ABCB4: variants seen among roughly 807,000 people sequenced by gnomAD.
ABCB4 encodes ATP binding cassette subfamily B member 4, also known as phosphatidylcholine translocator ABCB4.
In ABCB4, 76 loss-of-function variants were observed where a neutral mutation model predicts 145.7. The observed-to-expected ratio is 0.52, with a 90% confidence interval of 0.43 to 0.63. The LOEUF (loss-of-function observed/expected upper bound fraction) is 0.63. Ranked by LOEUF, ABCB4 falls within the 30% of genes least tolerant of loss-of-function variation. The pLI is 0.00. For missense variants in ABCB4, 1,234 were observed against 1,553.1 expected (o/e 0.79, Z 3.45); for synonymous variants, 517 against 566.8 (o/e 0.91, Z 1.25).
Position 87,475,412 on chromosome 7 carries a change from C to G in ABCB4, c.54G>C (p.Glu18Asp), listed in dbSNP as rs141141860. 2.5e-6 allele frequency: 4 copies of G among 1,614,256 alleles called. 1 individual carries two copies. The highest frequency in any genetic ancestry group is 3.3e-4 in the Middle Eastern group (2 of 6,062). ...TGCTGATGCCCAGTTCAAAGTCGCCCTCCGCGCTCGTGGGGCGCCAGGCTG... is the reference window on the plus strand; with the variant it reads ...TGCTGATGCCCAGTTCAAAGTCGCCGTCCGCGCTCGTGGGGCGCCAGGCTG... ...NGTAWRPTSA[E>D]GDFELGISSK... Residue 18 changes from glutamate (E) to aspartate (D), a missense_variant, in exon 2 of 28, where the codon GAG (glutamate) becomes GAC (aspartate). Coordinates refer to ENST00000649586, the MANE Select transcript of ABCB4 (RefSeq NM_000443.4).
intron 7 of ABCB4, among the ~76,000 whole-genome samples, chr7:87,450,350 T>C (rs1284959724): frequency 6.6e-6 from 1 of 152,210 alleles, no homozygotes; most frequent in Non-Finnish European, 1.5e-5. Context: ...TAAATAGCAC[T>C]CTTGGGAACA....
the ABCB4 span, among the ~76,000 whole-genome samples, chr7:87,372,063 T>C: frequency 6.7e-6 from 1 of 149,728 alleles, no homozygotes; most frequent in Non-Finnish European, 1.5e-5. Context: ...TGAAAAATGG[T>C]TTTCATTGTT....
At chr7:87,433,701 T>C (rs1202366164) in intron 14 of ABCB4, among the ~76,000 whole-genome samples, 28 of 133,654 alleles carry the variant, frequency 2.1e-4, no homozygotes, top group Admixed American at 8.6e-4. Context: ...TTTTCAGAGC[T>C]CCCAGACACC....
intron 26 of ABCB4, chr7:87,405,868 A>G (rs1808149860): frequency 3.7e-6 from 1 of 267,378 alleles, no homozygotes; most frequent in Non-Finnish European, 7.2e-6. Flanking sequence ...CCTGCTTGTG[A>G]TACTGTATAC....
chr7:87,401,961 T>C lies in ABCB4; in HGVS notation c.*135A>G. ...TCAAATGCCGTAATAAACCCCAAAT[T>C]GGGTCTTCTAAATTGATCTAGAATG... On this transcript the variant is annotated 3_prime_UTR_variant, in exon 28 of 28. Transcript: ENST00000649586. 1 of 1,222,240 alleles carries C rather than the reference T, an allele frequency of 8.2e-7. No individual in the cohort carries two copies. Among genetic ancestry groups the C allele is most frequent in the Non-Finnish European group, 1.2e-6 (1 of 854,112 alleles). The allele number at this position is 1,222,240 out of a possible 1,614,324, so 75.7% of individuals were successfully genotyped here.
intron 9 of ABCB4, among the ~76,000 whole-genome samples, chr7:87,446,127 G>C (rs1009590007): frequency 6.6e-6 from 1 of 152,136 alleles, no homozygotes; most frequent in Non-Finnish European, 1.5e-5. Flanking sequence ...TCACCAAGTC[G>C]AACACCCACA....
chr7:87,377,692 T>G, the ABCB4 span, among the ~76,000 whole-genome samples: 6 of 152,182 alleles, frequency 3.9e-5, no homozygotes, highest in Non-Finnish European at 8.8e-5. Context: ...ATAATATTTA[T>G]GTAATATAAG....
At chr7:87,471,619 T>A (rs1584800654) in intron 3 of ABCB4, among the ~76,000 whole-genome samples, 2 of 152,336 alleles carry the variant, frequency 1.3e-5, no homozygotes, top group South Asian at 4.1e-4. Context: ...CTAAGTTGGA[T>A]TTCAGCTGAC....
Position 87,459,585 on chromosome 7 carries a change from AT to A in ABCB4, c.286+3172del, listed in dbSNP as rs946539878. ...TAACCCTGTGTAGAAGCCATTTAAA[AT>A]TTTTTTTTTACTTTAAATTTATTTT... On this transcript the variant is annotated intron_variant, in intron 4 of 27. Coordinates refer to ENST00000649586, the MANE Select transcript of ABCB4 (RefSeq NM_000443.4). Among the ~76,000 whole-genome samples, 84 of 150,236 alleles carry A rather than the reference AT, an allele frequency of 5.6e-4. 2 individuals carry two copies. In the East Asian group the frequency reaches 0.013, roughly 24 times the overall value.
chr7:87,461,595 A>G (rs888250651), intron 4 of ABCB4, among the ~76,000 whole-genome samples: 3 of 152,234 alleles, frequency 2.0e-5, no homozygotes, highest in African/African-American at 7.2e-5. Context: ...TAGTAAGCAC[A>G]ATGAAAAATC....
chr7:87,416,961 TG>T (rs1334309580), intron 21 of ABCB4, among the ~76,000 whole-genome samples: 1 of 152,230 alleles, frequency 6.6e-6, no homozygotes, highest in Non-Finnish European at 1.5e-5. Context: ...TGTCCGACCC[TG>T]AACAATTCAC....
At chr7:87,443,160 C>T (rs990625076) in intron 12 of ABCB4, among the ~76,000 whole-genome samples, 159 bp downstream of exon 12, 16 of 152,286 alleles carry the variant, frequency 1.1e-4, no homozygotes, top group Middle Eastern at 3.4e-3. Context: ...TTTGTGAAAC[C>T]AGCCCAAGGG....
At chr7:87,418,125 C>T (rs1809125038) in intron 20 of ABCB4, among the ~76,000 whole-genome samples, 1 of 152,216 alleles carries the variant, frequency 6.6e-6, no homozygotes, top group South Asian at 2.1e-4. Context: ...CACCACCATC[C>T]CCTGGAGACA....
chr7:87,382,518 C>T, the ABCB4 span: 2 of 1,613,902 alleles, frequency 1.2e-6, no homozygotes, highest in Non-Finnish European at 1.7e-6. Flanking sequence ...TGCACTTCAG[C>T]TGGCCTATTA....
At chr7:87,456,307 TC>T (rs1812096728) in intron 4 of ABCB4, among the ~76,000 whole-genome samples, 1 of 152,190 alleles carries the variant, frequency 6.6e-6, no homozygotes, top group Non-Finnish European at 1.5e-5. Context: ...ATTTGTTCCC[TC>T]CAAATCTCAC....
the ABCB4 span, chr7:87,377,460 C>T: frequency 6.7e-7 from 1 of 1,490,382 alleles, no homozygotes; most frequent in African/African-American, 1.4e-5. Context: ...TGTAAGTAAA[C>T]TACTGAAATT....
At chr7:87,470,250 T>C (rs1813265612) in intron 3 of ABCB4, among the ~76,000 whole-genome samples, 1 of 152,152 alleles carries the variant, frequency 6.6e-6, no homozygotes, top group Admixed American at 6.5e-5. Flanking sequence ...ATGTTAGACC[T>C]AAAACCATAA....
At chr7:87,400,415 CAATT>C (rs1467418001), downstream of ABCB4, among the ~76,000 whole-genome samples, 1 of 152,116 alleles carries the variant, frequency 6.6e-6, no homozygotes, top group Admixed American at 6.5e-5. Flanking sequence ...TTATTGCTAA[CAATT>C]AAGCCCTTTA....
chr7:87,381,259 C>T, the ABCB4 span, among the ~76,000 whole-genome samples: 1 of 152,064 alleles, frequency 6.6e-6, no homozygotes. Context: ...GGGGAAAATG[C>T]GGGCAAAAAC....
Sources: allele counts gnomAD v4.1 joint callset (sites outside exome capture counted in the v4.1 genomes callset), GRCh38; gene constraint gnomAD v4.1.1; transcripts MANE v1.5; gene names NCBI Gene and HGNC (gene_info 2026-07-23, HGNC 2026-07-21).